Variants in RABGAP1L observed in about 807,000 individuals in gnomAD.
RABGAP1L encodes RAB GTPase activating protein 1 like.
In RABGAP1L, 63 loss-of-function variants were observed where a neutral mutation model predicts 137.7. That is an observed-to-expected ratio of 0.46 (90% confidence interval 0.37 to 0.56). RABGAP1L has a LOEUF of 0.56. Among genes scored for constraint, RABGAP1L ranks in the 20% least tolerant of loss-of-function variants. The pLI, the probability that RABGAP1L is intolerant of heterozygous loss-of-function variation, is 0.00. For synonymous variants in RABGAP1L, 431 were observed against 433.7 expected, an observed-to-expected ratio of 0.99 and a Z score of 0.08; for missense variants, 1,095 against 1,244.0, an observed-to-expected ratio of 0.88 and a Z score of 1.80.
At chr1:174,754,280 C>G (rs376280896) in intron 18 of RABGAP1L, among the ~76,000 whole-genome samples, 4 of 152,096 alleles carry the variant, frequency 2.6e-5, no homozygotes, top group South Asian at 2.1e-4. Context: ...GCTGACCCCC[C>G]CAATAGACAG....
intron 14 of RABGAP1L, among the ~76,000 whole-genome samples, chr1:174,640,854 A>G (rs1674474216): frequency 6.6e-6 from 1 of 151,222 alleles, no homozygotes; most frequent in Non-Finnish European, 1.5e-5. Flanking sequence ...AAATGCATCT[A>G]ATGATTAACC....
At chr1:174,526,726 TTAGTC>T (rs1040806240) in intron 13 of RABGAP1L, among the ~76,000 whole-genome samples, 3 of 152,124 alleles carry the variant, frequency 2.0e-5, no homozygotes, top group Admixed American at 2.0e-4. Flanking sequence ...CTTTTCCTGG[TTAGTC>T]TAGCTCTAGT....
At chr1:174,290,083 G>T (rs547892830) in intron 10 of RABGAP1L, among the ~76,000 whole-genome samples, 1 of 152,300 alleles carries the variant, frequency 6.6e-6, no homozygotes, top group African/African-American at 2.4e-5. Flanking sequence ...GTGCTTTGCA[G>T]CTGGGCTGGA....
In RABGAP1L at chr1:174,990,551, G is replaced by C. The variant is rs1471921321; in HGVS notation, c.*550G>C. On this transcript the variant is annotated 3_prime_UTR_variant, in exon 26 of 26. Transcript: ENST00000681986. Reference sequence around the variant, plus strand: ...TGTCCAAAGGAAAGAACCAATCAGCGATCATTGGTTTACTTTCATTTTCTG... The same window carrying C: ...TGTCCAAAGGAAAGAACCAATCAGCCATCATTGGTTTACTTTCATTTTCTG... 6.6e-6 allele frequency: 1 copy of C among 152,176 alleles called. No individual in the cohort carries two copies. The highest frequency in any genetic ancestry group is 1.5e-5 in the Non-Finnish European group (1 of 68,046). 9.4% of individuals were successfully genotyped at this position (152,176 alleles called of 1,614,324 possible). A position where few individuals can be genotyped will look rare whatever the true frequency, so the allele number is the denominator to read the frequency against.
At chr1:174,447,890 G>GCCCCCCCC (rs11321562) in intron 13 of RABGAP1L, among the ~76,000 whole-genome samples, 19 of 69,562 alleles carry the variant, frequency 2.7e-4, no homozygotes, top group African/African-American at 5.4e-4. Flanking sequence ...ACCCCTTACC[G>GCCCCCCCC]CCCCCCCCCC....
At chr1:174,963,365 T>G (rs1321619997) in intron 20 of RABGAP1L, among the ~76,000 whole-genome samples, 1 of 152,114 alleles carries the variant, frequency 6.6e-6, no homozygotes, top group Admixed American at 6.6e-5. Context: ...TAAATCCTTT[T>G]GGCTTCTCAA....
chr1:174,263,867 T>C (rs1319209289), intron 7 of RABGAP1L, among the ~76,000 whole-genome samples: 1 of 152,062 alleles, frequency 6.6e-6, no homozygotes, highest in Non-Finnish European at 1.5e-5. Flanking sequence ...ACTTTCTTTC[T>C]TTTTTGGGGG....
intron 13 of RABGAP1L, among the ~76,000 whole-genome samples, chr1:174,439,889 G>C: frequency 6.6e-6 from 1 of 152,196 alleles, no homozygotes; most frequent in Non-Finnish European, 1.5e-5. Flanking sequence ...CATGGGACTT[G>C]TAATCTAGTC....
At chr1:174,831,604 G>C (rs1299872214) in intron 19 of RABGAP1L, among the ~76,000 whole-genome samples, 1 of 148,036 alleles carries the variant, frequency 6.8e-6, no homozygotes, top group Non-Finnish European at 1.5e-5. Flanking sequence ...TTCATCTCAA[G>C]GTTCAGCATT....
chr1:174,953,037 A>AG, intron 19 of RABGAP1L, among the ~76,000 whole-genome samples: 1 of 143,868 alleles, frequency 7.0e-6, no homozygotes, highest in East Asian at 2.0e-4. Flanking sequence ...GTGGCATGCA[A>AG]AAAAAAAAAA....
rs35509787 is a variant in RABGAP1L, at chr1:174,434,108, TACACACACACACAC to T, written c.1710+39994_1710+40007del. ...GCACATGAGCGCATGCGTGTACACATACACACACACACACACACACACACACACACACACACACA... is the reference window on the plus strand; with the variant it reads ...GCACATGAGCGCATGCGTGTACACATACACACACACACACACACACACACA... On this transcript the variant is annotated intron_variant, in intron 13 of 25. Coordinates refer to ENST00000681986, the MANE Select transcript of RABGAP1L (RefSeq NM_001366446.1). 3.3e-3 allele frequency among the ~76,000 whole-genome samples: 447 copies of T among 134,132 alleles called. 5 individuals carry two copies. Among genetic ancestry groups the T allele is most frequent in the African/African-American group, 0.011 (412 of 37,408 alleles). 88.0% of individuals were successfully genotyped at this position (134,132 alleles called of 152,430 possible).
chr1:174,559,152 AT>A (rs562914889), intron 13 of RABGAP1L, among the ~76,000 whole-genome samples: 1 of 152,104 alleles, frequency 6.6e-6, no homozygotes, highest in East Asian at 1.9e-4. Context: ...GTGTTTTATC[AT>A]TTTTTATACT....
intron 11 of RABGAP1L, among the ~76,000 whole-genome samples, chr1:174,318,628 C>CTTTCTT (rs1458410954): frequency 7.4e-6 from 1 of 136,010 alleles, no homozygotes; most frequent in Non-Finnish European, 1.6e-5. Flanking sequence ...TTCTTTCTTT[C>CTTTCTT]TTTCTTTTTC....
At chr1:174,859,443 A>G (rs1163049092) in intron 19 of RABGAP1L, among the ~76,000 whole-genome samples, 1 of 150,530 alleles carries the variant, frequency 6.6e-6, no homozygotes, top group African/African-American at 2.4e-5. Flanking sequence ...AGATTGTGCT[A>G]CTGCACTCCA....
chr1:174,763,508 G>A (rs1433469134), intron 18 of RABGAP1L, among the ~76,000 whole-genome samples: 8 of 151,340 alleles, frequency 5.3e-5, no homozygotes, highest in Non-Finnish European at 1.0e-4. Context: ...AAAATTAGCC[G>A]GGCGTGGTAG....
At chr1:174,467,696 CT>C (rs1657457543) in intron 13 of RABGAP1L, among the ~76,000 whole-genome samples, 1 of 152,070 alleles carries the variant, frequency 6.6e-6, no homozygotes, top group Admixed American at 6.6e-5. Context: ...ATTTAAGTAT[CT>C]TGGTTATCAC....
chr1:174,322,866 G>T (rs960228479), intron 11 of RABGAP1L, among the ~76,000 whole-genome samples: 4 of 152,150 alleles, frequency 2.6e-5, no homozygotes, highest in African/African-American at 9.7e-5. Flanking sequence ...GGCAGTTGGG[G>T]AATGTAATTG....
chr1:174,448,859 G>C lies in RABGAP1L; in HGVS notation c.1710+54714G>C, dbSNP rs763083763. On this transcript the variant is annotated intron_variant, in intron 13 of 25. Coordinates refer to ENST00000681986, the MANE Select transcript of RABGAP1L (RefSeq NM_001366446.1). This position sits in a 1 kb window ranked among gnomAD's most constrained non-coding sequence, Gnocchi z 4.2. The stretch of plus-strand genomic sequence containing the variant: ...AGCCCGATTCCCTAGTCATGAGGTA[G>C]ATTCTTCCAGAGAGACTGGACACAG... The C allele has an allele frequency of 3.1e-6, 5 of 1,614,060 alleles. No homozygotes were observed. In the South Asian group the frequency reaches 4.4e-5, roughly 14 times the overall value.
chr1:174,680,611 C>G (rs1677987630), intron 14 of RABGAP1L, among the ~76,000 whole-genome samples: 2 of 152,116 alleles, frequency 1.3e-5, no homozygotes, highest in Non-Finnish European at 2.9e-5. Flanking sequence ...ATGAGATGAA[C>G]AACTCAATTA....
Sources: gnomAD v4.1 joint callset for allele counts (sites outside exome capture counted in the v4.1 genomes callset) on GRCh38, gnomAD v4.1.1 for gene constraint, Gnocchi (gnomAD v3.1) non-coding constraint, MANE v1.5 for transcripts, NCBI Gene and HGNC (gene_info 2026-07-23, HGNC 2026-07-21) for gene names.